The following SCRN3 variants were observed in gnomAD, a reference collection of about 807,000 sequenced individuals.
SCRN3 encodes secernin-3.
In SCRN3, 39 loss-of-function variants were observed where a neutral mutation model predicts 43.1. The observed-to-expected ratio is 0.91, with a 90% CI of 0.70 to 1.18. The LOEUF is 1.18. Ranked by LOEUF, SCRN3 falls within the 50% of genes most tolerant of loss-of-function variation. The pLI, the probability that SCRN3 is intolerant of heterozygous loss-of-function variation, is 0.00. For synonymous variants in SCRN3, 147 were observed against 163.1 expected (o/e 0.90, Z 0.75); for missense variants, 484 against 498.0 (o/e 0.97, Z 0.27).
intron 5 of SCRN3, among the ~76,000 whole-genome samples, chr2:174,421,045 A>G (rs1686276463): frequency 6.6e-6 from 1 of 152,202 alleles, no homozygotes; most frequent in Admixed American, 6.5e-5. Context: ...CTGAGGGGGA[A>G]AAAAGACAGA....
chr2:174,396,095 C>T (rs1685296159), intron 1 of SCRN3: 1 of 1,113,490 alleles, frequency 9.0e-7, no homozygotes, highest in South Asian at 3.8e-5. Flanking sequence ...TAATTCCGGC[C>T]CTAACCGTAG....
chr2:174,408,208 T>C (rs1685765067), intron 5 of SCRN3, among the ~76,000 whole-genome samples: 1 of 72,428 alleles, frequency 1.4e-5, no homozygotes, highest in Admixed American at 1.4e-4. Context: ...CCTTTACCAT[T>C]ATGTAATGGC....
In SCRN3 at chr2:174,428,758, T is replaced by A. The variant is rs1686571821; in HGVS notation, c.*863T>A. ...GAACACTATAATGCATTATATATTA[T>A]GAACTTTTATGAACTTTATACATGA... is the stretch of plus-strand genomic sequence containing the variant. On this transcript the variant is annotated 3_prime_UTR_variant, in exon 8 of 8. Transcript: ENST00000272732. The A allele has an allele frequency of 6.6e-6, 1 of 152,226 alleles. No individual in the cohort carries two copies. Among genetic ancestry groups the A allele is most frequent in the African/African-American group, 2.4e-5 (1 of 41,466 alleles). The allele number at this position is 152,226 out of a possible 1,614,324, so 9.4% of individuals were successfully genotyped here. A position where few individuals can be genotyped will look rare whatever the true frequency, so the allele number is the denominator to read the frequency against.
In SCRN3 at chr2:174,397,381, A is replaced by G. The variant is rs773681535; in HGVS notation, c.-9-894A>G. The G allele has an allele frequency of 6.2e-6, 6 of 963,784 alleles. No individual in the cohort carries two copies. In the East Asian group the frequency reaches 5.7e-4, roughly 92 times the overall value. 59.7% of individuals were successfully genotyped at this position (963,784 alleles called of 1,614,324 possible). A position where few individuals can be genotyped will look rare whatever the true frequency, so the allele number is the denominator to read the frequency against. On this transcript the variant is annotated intron_variant, in intron 1 of 7. Coordinates refer to ENST00000272732, the MANE Select transcript of SCRN3 (RefSeq NM_024583.5). ...GTTCTATTATAAGTGAAGATCTAAGATTTTCCAAGTTACAACTGAAGAGGT... is the reference window on the plus strand; with the variant it reads ...GTTCTATTATAAGTGAAGATCTAAGGTTTTCCAAGTTACAACTGAAGAGGT...
intron 5 of SCRN3, among the ~76,000 whole-genome samples, chr2:174,409,435 G>A (rs1192039185): frequency 2.7e-5 from 4 of 145,724 alleles, no homozygotes; most frequent in African/African-American, 5.0e-5. Flanking sequence ...TAATTTGATC[G>A]TCTGAAGCCT....
chr2:174,418,372 CTT>C (rs932669436), intron 5 of SCRN3, among the ~76,000 whole-genome samples: 3 of 152,226 alleles, frequency 2.0e-5, no homozygotes, highest in African/African-American at 7.2e-5. Context: ...GCCTACCTCT[CTT>C]CTTTCCAACT....
chr2:174,395,838 A>T, intron 1 of SCRN3, 21 bp downstream of exon 1: 1 of 1,497,732 alleles, frequency 6.7e-7, no homozygotes, highest in Non-Finnish European at 8.9e-7. Context: ...CGCACGGGGG[A>T]GGGGCGTGCA....
chr2:174,399,808 T>C, intron 2 of SCRN3, 114 bp from the exon 3 acceptor site: 1 of 665,228 alleles, frequency 1.5e-6, no homozygotes, highest in Admixed American at 4.3e-5. Flanking sequence ...TTATATTTCC[T>C]TTACCTCTTT....
chr2:174,405,665 T>A lies in SCRN3; in HGVS notation c.754+1350T>A, dbSNP rs1355229772. On this transcript the variant is annotated intron_variant, in intron 5 of 7. Coordinates refer to ENST00000272732, the MANE Select transcript of SCRN3 (RefSeq NM_024583.5). ...TGTAAGGGAGGGATCCAGTTTCAGC[T>A]TCCTACATATGGCTAGCCAGTTTTC... Among the ~76,000 whole-genome samples, 9 of 146,646 alleles carry A rather than the reference T, an allele frequency of 6.1e-5. No individual in the cohort carries two copies. In the South Asian group the frequency reaches 1.9e-3, roughly 31 times the overall value.
At chr2:174,401,225 C>T in intron 4 of SCRN3, 36 bp downstream of exon 4, 1 of 1,529,602 alleles carries the variant, frequency 6.5e-7, no homozygotes, top group Non-Finnish European at 9.1e-7. Context: ...CTTGTTTTTG[C>T]AATTAATAAA....
intron 5 of SCRN3, among the ~76,000 whole-genome samples, chr2:174,417,844 TTG>T (rs1011201983): frequency 6.6e-6 from 1 of 152,252 alleles, no homozygotes; most frequent in Non-Finnish European, 1.5e-5. Flanking sequence ...ATTCATTATG[TTG>T]TGTGTGCTTA....
At chr2:174,418,420 A>G (rs951815528) in intron 5 of SCRN3, among the ~76,000 whole-genome samples, 3 of 152,218 alleles carry the variant, frequency 2.0e-5, no homozygotes, top group African/African-American at 4.8e-5. Context: ...TGCTGCATGT[A>G]TATCCAAATT....
In SCRN3 at chr2:174,423,021, C is replaced by G. The variant is rs1032471675; in HGVS notation, c.891C>G (p.Phe297Leu). The G allele has an allele frequency of 1.2e-6, 2 of 1,613,228 alleles. No individual in the cohort carries two copies. The highest frequency in any genetic ancestry group is 2.7e-5 in the African/African-American group (2 of 74,920). The change falls in exon 6 of 8, where the codon TTC becomes TTG. Residue 297 changes from phenylalanine (F) to leucine (L), a missense_variant. By Grantham distance (22) the Phe-to-Leu change is conservative (BLOSUM62 0). Transcript: ENST00000272732. ...PQDSSLPCIH[F>L]FTGTPDPERS... ...ACTCCAGCCTTCCTTGCATTCACTT[C>G]TTTACAGGGACTCCTGATCCTGAGA... is the stretch of plus-strand genomic sequence containing the variant.
intron 1 of SCRN3, chr2:174,397,548 A>G (rs947285395): frequency 1.0e-4 from 26 of 252,790 alleles, no homozygotes; most frequent in Non-Finnish European, 1.5e-4. Flanking sequence ...TCTCATCAGA[A>G]TTATAATGTG....
intron 5 of SCRN3, among the ~76,000 whole-genome samples, chr2:174,406,473 T>C (rs1426668445): frequency 7.0e-6 from 1 of 142,010 alleles, no homozygotes; most frequent in Non-Finnish European, 1.6e-5. Context: ...CTAATTGCCC[T>C]GGCCAGAACT....
chr2:174,401,227 AT>A, intron 4 of SCRN3, 38 bp downstream of exon 4: 1 of 1,485,026 alleles, frequency 6.7e-7, no homozygotes, highest in East Asian at 2.3e-5. Flanking sequence ...TGTTTTTGCA[AT>A]TAATAAAATA....
chr2:174,416,465 A>AT (rs1309099935), intron 5 of SCRN3, among the ~76,000 whole-genome samples: 5 of 152,144 alleles, frequency 3.3e-5, no homozygotes, highest in Admixed American at 3.3e-4. Context: ...GTAGTTTTCC[A>AT]TTTTAGAAGA....
chr2:174,427,672 T>C (rs1047119976), intron 7 of SCRN3, 41 bp from the exon 8 acceptor site: 1 of 1,282,362 alleles, frequency 7.8e-7, no homozygotes, highest in African/African-American at 1.5e-5. Flanking sequence ...GATTTATGTG[T>C]ATATGTATAT....
At chr2:174,417,294 G>GA (rs1466329101) in intron 5 of SCRN3, among the ~76,000 whole-genome samples, 4 of 150,528 alleles carry the variant, frequency 2.7e-5, no homozygotes, top group Non-Finnish European at 3.0e-5. Flanking sequence ...TTTAAAAAAA[G>GA]AAAAAAAAAG....
Sources: allele counts gnomAD v4.1 joint callset (sites outside exome capture counted in the v4.1 genomes callset), GRCh38; gene constraint gnomAD v4.1.1; transcripts MANE v1.5; gene names NCBI Gene and HGNC (gene_info 2026-07-23, HGNC 2026-07-21).